MSL2: variants seen among roughly 807,000 people sequenced by gnomAD.
MSL2 encodes the protein E3 ubiquitin-protein ligase MSL2.
In MSL2, 2 loss-of-function variants were observed where a neutral mutation model predicts 35.8. The ratio of observed to expected loss-of-function variants is 0.06; its 90% CI spans 0.02 to 0.18. The LOEUF is 0.18. Ranked by LOEUF, MSL2 falls within the 10% of genes least tolerant of loss-of-function variation. The pLI is 1.00. For synonymous variants in MSL2, 296 were observed against 255.7 expected (o/e 1.16, Z -1.50); for missense variants, 523 against 706.7 (o/e 0.74, Z 2.95).
chr3:136,183,793 C>G (rs995148800), intron 1 of MSL2, among the ~76,000 whole-genome samples: 5 of 152,146 alleles, frequency 3.3e-5, no homozygotes, highest in Admixed American at 1.3e-4. Flanking sequence ...GTTCAGATTT[C>G]AACTCAATAA....
rs190272646 is a variant in MSL2, at chr3:136,184,043, C to A, written c.142+10929G>T. ...AGGCGTGGTGGCTCATGCCTGTAAT[C>A]GCAGCACTTTGGGAGGCAAAGGCGG... On this transcript the variant is annotated intron_variant, in intron 1 of 1. Transcript: ENST00000309993. 2.7e-3 allele frequency among the ~76,000 whole-genome samples: 416 copies of A among 152,276 alleles called. 3 individuals carry two copies. The highest frequency in any genetic ancestry group is 0.02 in the Middle Eastern group (6 of 294).
chr3:136,186,459 A>AG (rs1488102288), intron 1 of MSL2, among the ~76,000 whole-genome samples: 5 of 152,214 alleles, frequency 3.3e-5, no homozygotes, highest in African/African-American at 1.2e-4. Flanking sequence ...GCTGCACAGC[A>AG]GGAAGTGAGC....
At chr3:136,194,165 T>C (rs1940767685) in intron 1 of MSL2, among the ~76,000 whole-genome samples, 1 of 152,218 alleles carries the variant, frequency 6.6e-6, no homozygotes, top group African/African-American at 2.4e-5. Flanking sequence ...AACGTTTCAG[T>C]CCAGGTTTTT....
At chr3:136,190,624 T>C (rs1228892011) in intron 1 of MSL2, among the ~76,000 whole-genome samples, 1 of 152,186 alleles carries the variant, frequency 6.6e-6, no homozygotes, top group Non-Finnish European at 1.5e-5. Context: ...ATAGTATTTT[T>C]CCATTTAACA....
chr3:136,192,508 A>G (rs1278499648), intron 1 of MSL2, among the ~76,000 whole-genome samples: 1 of 152,134 alleles, frequency 6.6e-6, no homozygotes, highest in East Asian at 1.9e-4. Context: ...AGACTTCACC[A>G]AGGAGGCAGG....
At chr3:136,172,810 T>C (rs1940064825) in intron 1 of MSL2, among the ~76,000 whole-genome samples, 1 of 152,186 alleles carries the variant, frequency 6.6e-6, no homozygotes, top group Admixed American at 6.5e-5. Flanking sequence ...TTCAGAATCT[T>C]ATGAGGATCA....
intron 1 of MSL2, among the ~76,000 whole-genome samples, chr3:136,161,532 A>G (rs1256231104): frequency 6.6e-6 from 1 of 152,260 alleles, no homozygotes; most frequent in Non-Finnish European, 1.5e-5. Flanking sequence ...AGCAATTTAA[A>G]GGAATAAAGT....
At chr3:136,181,216 C>T (rs1301222966) in intron 1 of MSL2, among the ~76,000 whole-genome samples, 1 of 151,916 alleles carries the variant, frequency 6.6e-6, no homozygotes, top group East Asian at 1.9e-4. Context: ...CATTTTTATG[C>T]TCATCATCTA....
At chr3:136,159,376 T>TTG (rs1939633258) in intron 1 of MSL2, among the ~76,000 whole-genome samples, 1 of 140,828 alleles carries the variant, frequency 7.1e-6, no homozygotes, top group Non-Finnish European at 1.5e-5. Context: ...TTTTTTTTTT[T>TTG]TTTTTGAGAC....
intron 1 of MSL2, among the ~76,000 whole-genome samples, chr3:136,162,991 GGGA>G (rs1377914753): frequency 5.3e-5 from 8 of 149,668 alleles, no homozygotes; most frequent in South Asian, 2.1e-4. Context: ...TTTTTCAGTA[GGGA>G]GGAGGAGGAA....
At chr3:136,190,888 C>A (rs1360202149) in intron 1 of MSL2, among the ~76,000 whole-genome samples, 1 of 152,148 alleles carries the variant, frequency 6.6e-6, no homozygotes, top group Non-Finnish European at 1.5e-5. Flanking sequence ...CTAGAAAGTA[C>A]AGTAATTCTC....
chr3:136,187,130 G>A lies in MSL2; in HGVS notation c.142+7842C>T, dbSNP rs539520624. Among the ~76,000 whole-genome samples the A allele has an allele frequency of 2.6e-5, 4 of 152,270 alleles. No individual in the cohort carries two copies. The South Asian group carries it at 8.3e-4, about 32-fold the overall frequency. On this transcript the variant is annotated intron_variant, in intron 1 of 1. Transcript: ENST00000309993. Reference sequence around the variant, plus strand: ...ACATTTTATCAAGTACATGTTATGTGAAAGCACTGTGCTAAACATACTCAC... The same window carrying A: ...ACATTTTATCAAGTACATGTTATGTAAAAGCACTGTGCTAAACATACTCAC...
intron 1 of MSL2, among the ~76,000 whole-genome samples, chr3:136,192,283 G>A (rs1033777287): frequency 1.2e-4 from 18 of 152,140 alleles, no homozygotes; most frequent in African/African-American, 4.3e-4. Flanking sequence ...AGCAATGTCT[G>A]GAGATCGGCC....
chr3:136,170,107 T>C (rs1939979346), intron 1 of MSL2, among the ~76,000 whole-genome samples: 1 of 149,062 alleles, frequency 6.7e-6, no homozygotes, highest in Admixed American at 6.7e-5. Flanking sequence ...TTTGGGAGGC[T>C]GAGGCAGGCA....
At chr3:136,153,999 C>T (rs1372315479) in intron 1 of MSL2, among the ~76,000 whole-genome samples, 3 of 151,870 alleles carry the variant, frequency 2.0e-5, no homozygotes, top group African/African-American at 7.3e-5. Context: ...AGGAGAATCC[C>T]TTGAACCCAG....
At chr3:136,177,426 G>C (rs1940207746) in intron 1 of MSL2, among the ~76,000 whole-genome samples, 3 of 152,156 alleles carry the variant, frequency 2.0e-5, no homozygotes, top group Admixed American at 2.0e-4. Context: ...TGTAATCCCA[G>C]CACCCTGGGA....
Position 136,195,537 on chromosome 3 carries a change from C to G in MSL2, c.-424G>C, listed in dbSNP as rs1940813883. 1 of 1,001,914 alleles carries G rather than the reference C, an allele frequency of 1.0e-6. No individual in the cohort carries two copies. Among genetic ancestry groups the G allele is most frequent in the East Asian group, 1.1e-4 (1 of 9,126 alleles). The allele number at this position is 1,001,914 out of a possible 1,614,324, so 62.1% of individuals were successfully genotyped here. Reference sequence around the variant, plus strand: ...CAGGCGCGGGAGCAGGCCCCGGCCCCGTCTGAGGCGCGGCACGCTTCTCCC... The same window carrying G: ...CAGGCGCGGGAGCAGGCCCCGGCCCGGTCTGAGGCGCGGCACGCTTCTCCC... On this transcript the variant is annotated 5_prime_UTR_variant, in exon 1 of 2. Coordinates refer to ENST00000309993, the MANE Select transcript of MSL2 (RefSeq NM_018133.4).
chr3:136,180,665 A>G (rs1315043791), intron 1 of MSL2, among the ~76,000 whole-genome samples: 1 of 150,340 alleles, frequency 6.7e-6, no homozygotes, highest in Non-Finnish European at 1.5e-5. Flanking sequence ...GCACCACTGC[A>G]CTCCAGCCTG....
At chr3:136,169,241 G>A (rs1448956848) in intron 1 of MSL2, among the ~76,000 whole-genome samples, 2 of 87,608 alleles carry the variant, frequency 2.3e-5, no homozygotes, top group African/African-American at 4.0e-5. Context: ...CGGGGGGGGG[G>A]GGGGGGGGGG....
Sources: gnomAD v4.1 joint callset for allele counts (sites outside exome capture counted in the v4.1 genomes callset) on GRCh38, gnomAD v4.1.1 for gene constraint, MANE v1.5 for transcripts, NCBI Gene and HGNC (gene_info 2026-07-23, HGNC 2026-07-21) for gene names.